AAK1: variants seen among roughly 807,000 people sequenced by gnomAD.
The protein encoded by AAK1 is AP2-associated protein kinase 1.
A neutral mutation model predicts 116.0 loss-of-function variants in AAK1; 37 were observed. The ratio of observed to expected loss-of-function variants is 0.32; its 90% CI spans 0.25 to 0.42. The LOEUF (loss-of-function observed/expected upper bound fraction) is 0.42, where lower values mean the gene tolerates loss of function less well. AAK1 is among the 10% of genes least tolerant of loss of function. The pLI is 1.00. For synonymous variants in AAK1, 458 were observed against 439.9 expected, an observed-to-expected ratio of 1.04 and a Z score of -0.51; for missense variants, 919 against 1,170.6, an observed-to-expected ratio of 0.79 and a Z score of 3.14.
At chr2:69,627,457 T>C (rs1674959256) in intron 2 of AAK1, among the ~76,000 whole-genome samples, 2 of 152,036 alleles carry the variant, frequency 1.3e-5, no homozygotes, top group African/African-American at 4.8e-5. Flanking sequence ...CTCTATGAAG[T>C]GGGATTTAAG....
chr2:69,627,922 C>T (rs1420639470), intron 2 of AAK1, among the ~76,000 whole-genome samples: 1 of 152,210 alleles, frequency 6.6e-6, no homozygotes, highest in Non-Finnish European at 1.5e-5. Context: ...ATTCTTTCTT[C>T]TTTTTATTGA....
At chr2:69,524,059 A>G (rs1177988008) in intron 10 of AAK1, among the ~76,000 whole-genome samples, 3 of 152,106 alleles carry the variant, frequency 2.0e-5, no homozygotes, top group Admixed American at 6.5e-5. Flanking sequence ...TTTTGGAAGA[A>G]CCTAGGTTGA....
At chr2:69,557,002 T>G in intron 2 of AAK1, 24 bp from the exon 3 acceptor site, 1 of 1,565,498 alleles carries the variant, frequency 6.4e-7, no homozygotes. Flanking sequence ...ACACACAAGC[T>G]CTTTTGAGTC....
At chr2:69,540,403 G>A (rs1363140267) in intron 5 of AAK1, among the ~76,000 whole-genome samples, 1 of 152,180 alleles carries the variant, frequency 6.6e-6, no homozygotes, top group African/African-American at 2.4e-5. Context: ...TTATAGGCAT[G>A]AGCCACCACG....
At chr2:69,477,057 G>C in intron 20 of AAK1, 67 bp from the exon 21 acceptor site, 1 of 1,049,718 alleles carries the variant, frequency 9.5e-7, no homozygotes, top group Non-Finnish European at 1.4e-6. Context: ...GAGAGAATGT[G>C]AAAGAGGCAC....
At chr2:69,633,599 CAAAAA>C (rs3075922) in intron 2 of AAK1, among the ~76,000 whole-genome samples, 1 of 114,240 alleles carries the variant, frequency 8.8e-6, no homozygotes, top group African/African-American at 3.0e-5. Context: ...GACGCTGTCT[CAAAAA>C]AAAAAAAAAA....
chr2:69,480,311 TAAG>T (rs1675037590), intron 19 of AAK1, among the ~76,000 whole-genome samples: 1 of 151,490 alleles, frequency 6.6e-6, no homozygotes, highest in Non-Finnish European at 1.5e-5. Context: ...TGTGGGCAGT[TAAG>T]AAATTCTATT....
chr2:69,555,235 G>A (rs925125409), intron 3 of AAK1, among the ~76,000 whole-genome samples: 9 of 152,248 alleles, frequency 5.9e-5, no homozygotes, highest in South Asian at 4.1e-4. Flanking sequence ...CTATGTGCAG[G>A]GGAGTGGAAG....
intron 2 of AAK1, among the ~76,000 whole-genome samples, chr2:69,608,306 G>C (rs559908133): frequency 1.3e-5 from 2 of 152,336 alleles, no homozygotes; most frequent in Non-Finnish European, 2.9e-5. Flanking sequence ...TTGGCAGAGG[G>C]AGTGGCACTG....
intron 2 of AAK1, among the ~76,000 whole-genome samples, chr2:69,622,871 T>C (rs1450308841): frequency 6.6e-6 from 1 of 152,150 alleles, no homozygotes; most frequent in Admixed American, 6.5e-5. Context: ...TCAGGGATTA[T>C]AAACGCACCA....
At chr2:69,551,871 C>T (rs1407613430) in intron 3 of AAK1, among the ~76,000 whole-genome samples, 1 of 152,204 alleles carries the variant, frequency 6.6e-6, no homozygotes, top group Admixed American at 6.5e-5. Flanking sequence ...CAAAATAAAA[C>T]GTGAAACCAC....
In AAK1 at chr2:69,465,816, A is replaced by C. The variant is rs1298300187; in HGVS notation, c.*10053T>G. On this transcript the variant is annotated 3_prime_UTR_variant, in exon 22 of 22. Transcript: ENST00000409085. ...ATGGGACAGGAGGTTAGACTGTTGC[A>C]CAAAACCAGCTGTGGAATACTGAGC... is the stretch of plus-strand genomic sequence containing the variant. The C allele has an allele frequency of 7.7e-7, 1 of 1,290,862 alleles. No individual in the cohort carries two copies. The highest frequency in any genetic ancestry group is 1.2e-5 in the South Asian group (1 of 81,024). The allele number at this position is 1,290,862 out of a possible 1,614,324, so 80.0% of individuals were successfully genotyped here. A position where few individuals can be genotyped will look rare whatever the true frequency, so the allele number is the denominator to read the frequency against.
chr2:69,520,829 C>T lies in AAK1; in HGVS notation c.1210+5G>A. 6.5e-7 allele frequency: 1 copy of T among 1,540,336 alleles called. No homozygotes were observed. The highest frequency in any genetic ancestry group is 8.7e-7 in the Non-Finnish European group (1 of 1,150,522). The stretch of plus-strand genomic sequence containing the variant: ...ATTGAGTTTCAAACCAATCTAGATA[C>T]AAACCTGCAGCCTGAGGTGGGGGCT... On this transcript the variant is annotated splice_donor_5th_base_variant and intron_variant, in intron 11 of 21. Coordinates refer to ENST00000409085, the MANE Select transcript of AAK1 (RefSeq NM_014911.5).
At position 69,469,842 on chromosome 2, in the gene AAK1, CT is replaced by C; in HGVS notation, c.*6026del. 1 of 985,444 alleles carries C rather than the reference CT, an allele frequency of 1.0e-6. No individual in the cohort carries two copies. Among genetic ancestry groups the C allele is most frequent in the Non-Finnish European group, 1.2e-6 (1 of 829,928 alleles). 61.0% of individuals were successfully genotyped at this position (985,444 alleles called of 1,614,324 possible). A position where few individuals can be genotyped will look rare whatever the true frequency, so the allele number is the denominator to read the frequency against. ...GTGTGCCAGGTTAGGCACGTTGACA[CT>C]TTCAATATGGGTAACTCCATATTAG... On this transcript the variant is annotated 3_prime_UTR_variant, in exon 22 of 22. Transcript: ENST00000409085.
At chr2:69,563,280 G>A (rs572586244) in intron 2 of AAK1, among the ~76,000 whole-genome samples, 1 of 152,240 alleles carries the variant, frequency 6.6e-6, no homozygotes, top group African/African-American at 2.4e-5. Context: ...GGAAAAGTGA[G>A]GGAAGGGAAG....
chr2:69,492,098 AC>A (rs1206715507), intron 17 of AAK1, among the ~76,000 whole-genome samples: 8 of 152,082 alleles, frequency 5.3e-5, no homozygotes, highest in Admixed American at 4.6e-4. Flanking sequence ...TCTACCACCT[AC>A]CACTCCCCAG....
rs941625067 is a variant in AAK1 at position 69,472,379 on chromosome 2, T to G, written c.*3490A>C. Reference sequence around the variant, plus strand: ...TAATTAAATAATATAGCTGATTTTCTTATACCTTATTACCTTCCTTGATAT... The same window carrying G: ...TAATTAAATAATATAGCTGATTTTCGTATACCTTATTACCTTCCTTGATAT... On this transcript the variant is annotated 3_prime_UTR_variant, in exon 22 of 22. Coordinates refer to ENST00000409085, the MANE Select transcript of AAK1 (RefSeq NM_014911.5). 8.9e-6 allele frequency: 2 copies of G among 224,628 alleles called. No homozygotes were observed. The highest frequency in any genetic ancestry group is 2.3e-5 in the African/African-American group (1 of 42,738). 13.9% of individuals were successfully genotyped at this position (224,628 alleles called of 1,614,324 possible).
chr2:69,608,126 T>C (rs547492076), intron 2 of AAK1, among the ~76,000 whole-genome samples: 39 of 152,330 alleles, frequency 2.6e-4, no homozygotes, highest in Non-Finnish European at 5.0e-4. Context: ...CAATGTGTCC[T>C]GGCAATAAAT....
At chr2:69,628,044 A>C (rs1270457039) in intron 2 of AAK1, among the ~76,000 whole-genome samples, 1 of 152,228 alleles carries the variant, frequency 6.6e-6, no homozygotes, top group Non-Finnish European at 1.5e-5. Flanking sequence ...AGGTAAAGAT[A>C]TAGAAAGAAG....
Sources: allele counts gnomAD v4.1 joint callset (sites outside exome capture counted in the v4.1 genomes callset), GRCh38; gene constraint gnomAD v4.1.1; transcripts MANE v1.5; gene names NCBI Gene and HGNC (gene_info 2026-07-23, HGNC 2026-07-21).